Variants in GRIA3 observed in about 807,000 individuals in gnomAD.
GRIA3 encodes glutamate receptor 3.
In GRIA3, 3 loss-of-function variants were observed where a neutral mutation model predicts 63.0. The observed-to-expected ratio is 0.05, with a 90% confidence interval of 0.02 to 0.12. The LOEUF is 0.12. Among genes scored for constraint, GRIA3 ranks in the 10% least tolerant of loss-of-function variants. The probability of loss-of-function intolerance (pLI) is 1.00; values close to 1 mark genes in which losing one functional copy is unlikely to be tolerated. For missense variants in GRIA3, 347 were observed against 700.9 expected (o/e 0.50, Z 5.70); for synonymous variants, 274 against 257.9 (o/e 1.06, Z -0.60).
At chrX:123,471,002 C>T (rs2045859641) in intron 13 of GRIA3, among the ~76,000 whole-genome samples, 1 of 111,948 alleles carries the variant, frequency 8.9e-6, no homozygotes, top group African/African-American at 3.2e-5. Flanking sequence ...AGCAGAAGTT[C>T]CTGTGAATCC....
chrX:123,232,774 T>A (rs1460336285), intron 2 of GRIA3, among the ~76,000 whole-genome samples: 1 of 111,086 alleles, frequency 9.0e-6, no homozygotes, highest in African/African-American at 3.3e-5. Context: ...ACAAGCAGCA[T>A]AATAATGAAA....
chrX:123,269,602 G>T (rs1228059094), intron 3 of GRIA3, among the ~76,000 whole-genome samples: 1 of 111,690 alleles, frequency 9.0e-6, no homozygotes, highest in Non-Finnish European at 1.9e-5. Context: ...AGGTAGAAAC[G>T]GCTGATGGAC....
At chrX:123,257,863 T>A (rs2044428649) in intron 3 of GRIA3, among the ~76,000 whole-genome samples, 1 of 111,663 alleles carries the variant, frequency 9.0e-6, no homozygotes. Flanking sequence ...TTCTCTGAAA[T>A]TATGAAACAT....
At chrX:123,184,881 G>T (rs1419812102) in intron 1 of GRIA3, 2 of 486,317 alleles carry the variant, frequency 4.1e-6, no homozygotes, top group East Asian at 7.9e-5. Context: ...GGGCTAGTGG[G>T]GGTGAACTGC....
chrX:123,336,999 G>A (rs1361404157), intron 4 of GRIA3, among the ~76,000 whole-genome samples: 1 of 111,950 alleles, frequency 8.9e-6, no homozygotes, highest in Non-Finnish European at 1.9e-5. Context: ...AAAGGAATGT[G>A]TGGTCACTGA....
At chrX:123,192,583 C>T (rs942330325) in intron 2 of GRIA3, among the ~76,000 whole-genome samples, 3 of 111,962 alleles carry the variant, frequency 2.7e-5, no homozygotes, top group Non-Finnish European at 5.6e-5. Context: ...TTTCCAATTG[C>T]TCATTGGTCA....
At chrX:123,310,049 C>G (rs1365492685) in intron 3 of GRIA3, among the ~76,000 whole-genome samples, 1 of 112,840 alleles carries the variant, frequency 8.9e-6, no homozygotes, top group East Asian at 2.8e-4. Flanking sequence ...TCAATGAGTA[C>G]TTTGCCTGAA....
intron 12 of GRIA3, among the ~76,000 whole-genome samples, chrX:123,454,685 T>A (rs1037535651): frequency 9.0e-6 from 1 of 111,265 alleles, no homozygotes; most frequent in African/African-American, 3.3e-5. Flanking sequence ...AGAGGCAAAG[T>A]TGTTGCTTAC....
At chrX:123,205,249 G>A (rs763225094) in intron 2 of GRIA3, among the ~76,000 whole-genome samples, 14 of 111,995 alleles carry the variant, frequency 1.3e-4, no homozygotes, top group African/African-American at 3.6e-4. Context: ...GCAATATGCC[G>A]TCTCCATTCA....
chrX:123,223,935 C>T (rs892040041), intron 2 of GRIA3, among the ~76,000 whole-genome samples: 2 of 111,753 alleles, frequency 1.8e-5, no homozygotes, highest in African/African-American at 6.5e-5. Context: ...CTTTTCATTG[C>T]CAAATGTGTG....
chrX:123,191,191 G>T (rs762804740), intron 2 of GRIA3, among the ~76,000 whole-genome samples: 10 of 112,375 alleles, frequency 8.9e-5, no homozygotes, highest in East Asian at 2.8e-4. Flanking sequence ...TTCAATGAAG[G>T]TCAAGCAAAT....
chrX:123,421,724 C>T (rs1439049836), intron 11 of GRIA3, among the ~76,000 whole-genome samples: 2 of 111,988 alleles, frequency 1.8e-5, no homozygotes, highest in African/African-American at 6.5e-5. Flanking sequence ...TCCCTCAGCT[C>T]CCACTGTGTA....
intron 2 of GRIA3, among the ~76,000 whole-genome samples, chrX:123,249,457 G>A (rs1203976453): frequency 9.0e-6 from 1 of 111,339 alleles, no homozygotes; most frequent in Non-Finnish European, 1.9e-5. Context: ...GATCTGCTGT[G>A]AAAGGCCCTT....
intron 2 of GRIA3, among the ~76,000 whole-genome samples, chrX:123,217,074 C>T (rs1021662566): frequency 9.0e-6 from 1 of 111,563 alleles, no homozygotes; most frequent in African/African-American, 3.3e-5. Context: ...GTGCCTGTCC[C>T]CCCGGTAGTG....
intron 2 of GRIA3, among the ~76,000 whole-genome samples, chrX:123,220,445 C>A (rs1928262020): frequency 8.9e-6 from 1 of 112,169 alleles, no homozygotes; most frequent in African/African-American, 3.2e-5. Context: ...CCTGGAGACA[C>A]AAATTTGTGG....
At chrX:123,192,779 C>T (rs73549537) in intron 2 of GRIA3, among the ~76,000 whole-genome samples, 1,823 of 111,385 alleles carry the variant, frequency 0.016, 41 homozygotes, top group African/African-American at 0.057. Flanking sequence ...CCCTATGAGG[C>T]GCAATTCAGG....
chrX:123,263,278 C>T (rs1480559662), intron 3 of GRIA3, among the ~76,000 whole-genome samples: 1 of 111,822 alleles, frequency 8.9e-6, no homozygotes, highest in Non-Finnish European at 1.9e-5. Flanking sequence ...ACTTCACCTC[C>T]AACTGAAGTC....
intron 12 of GRIA3, among the ~76,000 whole-genome samples, chrX:123,454,306 CCT>C (rs1248626544): frequency 9.0e-6 from 1 of 111,126 alleles, no homozygotes; most frequent in East Asian, 2.8e-4. Flanking sequence ...CTCCTCTGTG[CCT>C]CTGTTTCTGC....
At chrX:123,247,447 C>T (rs766966547) in intron 2 of GRIA3, among the ~76,000 whole-genome samples, 1 of 111,297 alleles carries the variant, frequency 9.0e-6, no homozygotes, top group Non-Finnish European at 1.9e-5. Context: ...TTGAAGGGAA[C>T]GCAGCTGGGG....
Sources: allele counts gnomAD v4.1 joint callset (sites outside exome capture counted in the v4.1 genomes callset), GRCh38; gene constraint gnomAD v4.1.1; transcripts MANE v1.5; gene names NCBI Gene and HGNC (gene_info 2026-07-23, HGNC 2026-07-21).